The following MGMT variants were observed in gnomAD, a reference collection of about 807,000 sequenced individuals.
The protein encoded by MGMT is O-6-methylguanine-DNA methyltransferase.
MGMT carries 14 observed loss-of-function variants against 15.9 expected under a neutral mutation model. That is an observed-to-expected ratio of 0.88 (90% CI 0.58 to 1.37). The LOEUF (loss-of-function observed/expected upper bound fraction) is 1.37. Ranked by LOEUF, MGMT falls within the 40% of genes most tolerant of loss-of-function variation. The pLI is 0.00. For synonymous variants in MGMT, 130 were observed against 118.2 expected (o/e 1.10, Z -0.65); for missense variants, 282 against 268.1 (o/e 1.05, Z -0.36).
chr10:129,483,308 A>T lies in MGMT; in HGVS notation c.-13+16012A>T, dbSNP rs762778247. Among the ~76,000 whole-genome samples the T allele has an allele frequency of 7.4e-4, 113 of 152,310 alleles. 1 individual carries two copies. The highest frequency in any genetic ancestry group is 2.0e-3 in the Admixed American group (31 of 15,306). On this transcript the variant is annotated intron_variant, in intron 1 of 4. Transcript: ENST00000651593. ...AATCAGTTTTCTTTTAAAGAGATTT[A>T]AAAAATCCAGAATTTACATTTATTT...
chr10:129,619,279 CA>C (rs1209253629), intron 2 of MGMT, among the ~76,000 whole-genome samples: 2 of 152,254 alleles, frequency 1.3e-5, no homozygotes. Context: ...TAATGCTCAA[CA>C]AACCTTGCTT....
Position 129,533,306 on chromosome 10 carries a change from C to T in MGMT, c.-12-2935C>T, listed in dbSNP as rs557460197. On this transcript the variant is annotated intron_variant, in intron 1 of 4. Coordinates refer to ENST00000651593, the MANE Select transcript of MGMT (RefSeq NM_002412.5). The surrounding 1 kb of genome is among the most constrained non-coding windows in gnomAD (Gnocchi z 4.5). The stretch of plus-strand genomic sequence containing the variant: ...AACGGCATTTGTGCTTAAATTAGCC[C>T]GTGTCAGTTTCTGACACCTGCTGTT... 2.6e-5 allele frequency among the ~76,000 whole-genome samples: 4 copies of T among 152,302 alleles called. No individual in the cohort carries two copies. Among genetic ancestry groups the T allele is most frequent in the African/African-American group, 9.6e-5 (4 of 41,576 alleles).
intron 3 of MGMT, among the ~76,000 whole-genome samples, chr10:129,716,990 G>A (rs570423829): frequency 7.9e-4 from 120 of 152,334 alleles, no homozygotes; most frequent in Non-Finnish European, 1.1e-3. Flanking sequence ...CATTGGCAGC[G>A]TCGGCCAGCT....
At position 129,681,008 on chromosome 10, in the gene MGMT, C is replaced by CT. The variant is rs572962588; in HGVS notation, c.126-26886dup. On this transcript the variant is annotated intron_variant, in intron 2 of 4. Transcript: ENST00000651593. ...GGTAGCTGCCATCCTGAATTTCCCT[C>CT]TGAAACTGCTCCCACCACCAGTGCT... Among the ~76,000 whole-genome samples, 28 of 152,298 alleles carry CT rather than the reference C, an allele frequency of 1.8e-4. No homozygotes were observed. In the East Asian group the frequency reaches 5.4e-3, roughly 30 times the overall value.
In MGMT at chr10:129,634,052, C is replaced by T. The variant is rs114669920; in HGVS notation, c.126-73843C>T. On this transcript the variant is annotated intron_variant, in intron 2 of 4. Coordinates refer to ENST00000651593, the MANE Select transcript of MGMT (RefSeq NM_002412.5). ...CTGGTCTACTGCAGGTGACTTCTTACAGTTTTTTAGTGCCCAAAATGTCTT... is the reference window on the plus strand; with the variant it reads ...CTGGTCTACTGCAGGTGACTTCTTATAGTTTTTTAGTGCCCAAAATGTCTT... 5.5e-3 allele frequency among the ~76,000 whole-genome samples: 838 copies of T among 152,282 alleles called. 8 individuals carry two copies. Among genetic ancestry groups the T allele is most frequent in the African/African-American group, 0.019 (799 of 41,566 alleles).
intron 4 of MGMT, 100 bp from the exon 5 acceptor site, chr10:129,766,688 G>A (rs1008510745): frequency 9.2e-7 from 1 of 1,085,076 alleles, no homozygotes; most frequent in African/African-American, 1.6e-5. Context: ...GCCCCTGCTT[G>A]GTGGGCACAG....
intron 1 of MGMT, among the ~76,000 whole-genome samples, chr10:129,487,988 C>CACACAG (rs1246783864): frequency 2.3e-5 from 3 of 130,496 alleles, no homozygotes; most frequent in Non-Finnish European, 4.7e-5. Context: ...TATACACACA[C>CACACAG]ACACACACAT....
At chr10:129,486,109 C>T (rs1333593652) in intron 1 of MGMT, among the ~76,000 whole-genome samples, 4 of 151,102 alleles carry the variant, frequency 2.6e-5, no homozygotes, top group African/African-American at 9.7e-5. Flanking sequence ...ACTAATTTAC[C>T]TTCTAAATTT....
intron 1 of MGMT, among the ~76,000 whole-genome samples, chr10:129,483,474 G>A (rs1845379421): frequency 6.6e-6 from 1 of 151,828 alleles, no homozygotes; most frequent in South Asian, 2.1e-4. Flanking sequence ...TCATGCATTT[G>A]TTTTTGTTTT....
chr10:129,645,179 G>A (rs1326197286), intron 2 of MGMT, among the ~76,000 whole-genome samples: 2 of 145,412 alleles, frequency 1.4e-5, no homozygotes, highest in African/African-American at 5.2e-5. Context: ...GAGTGCAGTA[G>A]CATGATCTTG....
chr10:129,671,736 C>T (rs74684772), intron 2 of MGMT, among the ~76,000 whole-genome samples: 12,004 of 152,278 alleles, frequency 0.079, 696 homozygotes, highest in Admixed American at 0.17. Flanking sequence ...AAAGTATCAT[C>T]TCATTCAACA....
intron 1 of MGMT, among the ~76,000 whole-genome samples, chr10:129,490,279 T>G (rs1845455963): frequency 6.6e-6 from 1 of 152,164 alleles, no homozygotes; most frequent in Non-Finnish European, 1.5e-5. Flanking sequence ...TGCATCTATT[T>G]AACTGTTTAT....
intron 2 of MGMT, among the ~76,000 whole-genome samples, chr10:129,655,195 C>T (rs907759715): frequency 2.6e-5 from 4 of 152,216 alleles, no homozygotes; most frequent in African/African-American, 4.8e-5. Context: ...GTGGGGGCCC[C>T]GCGGAGGGCC....
chr10:129,558,342 C>T (rs1454121256), intron 2 of MGMT, among the ~76,000 whole-genome samples: 3 of 152,150 alleles, frequency 2.0e-5, no homozygotes, highest in Non-Finnish European at 4.4e-5. Context: ...TTAGTGGAAA[C>T]GTTATAGGAT....
intron 2 of MGMT, among the ~76,000 whole-genome samples, chr10:129,594,352 G>A (rs1490224068): frequency 6.6e-6 from 1 of 152,196 alleles, no homozygotes; most frequent in Non-Finnish European, 1.5e-5. Flanking sequence ...TACTGAAGGT[G>A]AAAAGAGCTC....
At chr10:129,757,862 C>G (rs1848824696) in intron 3 of MGMT, among the ~76,000 whole-genome samples, 1 of 152,128 alleles carries the variant, frequency 6.6e-6, no homozygotes, top group African/African-American at 2.4e-5. Context: ...AGAACATTAT[C>G]TAATGAATTT....
intron 3 of MGMT, among the ~76,000 whole-genome samples, chr10:129,750,875 T>C (rs534640029): frequency 2.3e-4 from 35 of 152,276 alleles, no homozygotes; most frequent in African/African-American, 7.9e-4. Flanking sequence ...TTTTCAAATA[T>C]TGAATCAGCC....
chr10:129,646,719 A>AATATATATATATATATATAT (rs10543851), intron 2 of MGMT, among the ~76,000 whole-genome samples: 70 of 81,648 alleles, frequency 8.6e-4, no homozygotes, highest in Middle Eastern at 6.2e-3. Context: ...GCCCATCAGA[A>AATATATATATATATATATAT]ATATATATAT....
chr10:129,709,586 C>G (rs1848207397), intron 3 of MGMT, among the ~76,000 whole-genome samples: 1 of 152,106 alleles, frequency 6.6e-6, no homozygotes, highest in Non-Finnish European at 1.5e-5. Context: ...AATGTAAGGT[C>G]TCAGGACAGA....
Sources: gnomAD v4.1 joint callset for allele counts (sites outside exome capture counted in the v4.1 genomes callset) on GRCh38, gnomAD v4.1.1 for gene constraint, Gnocchi (gnomAD v3.1) non-coding constraint, MANE v1.5 for transcripts, NCBI Gene and HGNC (gene_info 2026-07-23, HGNC 2026-07-21) for gene names.